Variants in ORC1 observed in about 807,000 individuals in gnomAD.
The protein encoded by ORC1 is origin recognition complex, subunit 1 homolog.
Under a neutral mutation model 98.9 loss-of-function variants are expected in ORC1, and 61 were observed. That is an observed-to-expected ratio of 0.62 (90% CI 0.50 to 0.76). The LOEUF is 0.76. Among genes scored for constraint, ORC1 ranks in the 30% least tolerant of loss-of-function variants. The pLI is 0.00. For synonymous variants in ORC1, 385 were observed against 406.9 expected (o/e 0.95, Z 0.65); for missense variants, 979 against 1,072.2 (o/e 0.91, Z 1.21).
chr1:52,388,445 C>T lies in ORC1; in HGVS notation c.1380G>A (p.Lys460=), dbSNP rs773252423. 2.5e-6 allele frequency: 4 copies of T among 1,613,748 alleles called. No homozygotes were observed. The highest frequency in any genetic ancestry group is 1.7e-5 in the Admixed American group (1 of 60,024). The change falls in exon 8 of 17, where the codon AAG becomes AAA. Residue 460 remains lysine, a synonymous_variant. Transcript: ENST00000371568. ...SLHTLTKVPK[K]SLKPRTPRCA... ...AGTAAACCTAGAAGAACCTTACACT[C>T]TTCTTTGGCACCTTCGTGAGGGTAT... is the stretch of plus-strand genomic sequence containing the variant.
At chr1:52,380,965 A>T (rs1354747174) in intron 14 of ORC1, among the ~76,000 whole-genome samples, 1 of 152,214 alleles carries the variant, frequency 6.6e-6, no homozygotes, top group Non-Finnish European at 1.5e-5. Flanking sequence ...CAGGGTGAAG[A>T]GTGTGTCGGC....
At chr1:52,408,832 GTC>G, upstream of ORC1, 1 of 1,059,770 alleles carries the variant, frequency 9.4e-7, no homozygotes, top group Non-Finnish European at 1.3e-6. Context: ...GTTTTCCCTT[GTC>G]CCTCATGGGA....
intron 11 of ORC1, 89 bp downstream of exon 11, chr1:52,384,461 G>T: frequency 1.7e-6 from 2 of 1,159,078 alleles, no homozygotes; most frequent in Non-Finnish European, 2.6e-6. Context: ...TCATGAACAT[G>T]CAATACACGC....
At position 52,404,270 on chromosome 1, in the gene ORC1, A is replaced by G. The variant is rs1002470137; in HGVS notation, c.-30T>C. On this transcript the variant is annotated 5_prime_UTR_variant, in exon 1 of 17. Coordinates refer to ENST00000371568, the MANE Select transcript of ORC1 (RefSeq NM_004153.4). ...CCCGGCTCCAAAGCTTCCTCCGGCT[A>G]GCCGCAAGCCCTCCGTTTCCTACCG... 1.3e-5 allele frequency: 2 copies of G among 155,006 alleles called. No homozygotes were observed. The highest frequency in any genetic ancestry group is 4.8e-5 in the African/African-American group (2 of 41,458). 9.6% of individuals were successfully genotyped at this position (155,006 alleles called of 1,614,324 possible). A position where few individuals can be genotyped will look rare whatever the true frequency, so the allele number is the denominator to read the frequency against.
In ORC1 at chr1:52,384,542, C is replaced by T. The variant is rs1229909460; in HGVS notation, c.1755+8G>A. 2.5e-6 allele frequency: 4 copies of T among 1,613,704 alleles called. No homozygotes were observed. Among genetic ancestry groups the T allele is most frequent in the East Asian group, 2.2e-5 (1 of 44,888 alleles). On this transcript the variant is annotated splice_region_variant and intron_variant, in intron 11 of 16. Coordinates refer to ENST00000371568, the MANE Select transcript of ORC1 (RefSeq NM_004153.4). ...CATTTTCCAAAAAGCCTAAACAGCT[C>T]TGCTTACCTGCAAGATTTGCACATA... is the stretch of plus-strand genomic sequence containing the variant.
chr1:52,374,990 A>G (rs565079858), intron 15 of ORC1, 93 bp from the exon 16 acceptor site: 1 of 786,926 alleles, frequency 1.3e-6, no homozygotes, highest in African/African-American at 1.7e-5. Context: ...TCTTTAGAAA[A>G]GAGAAAACCC....
At chr1:52,406,050 G>A (rs1647980313), upstream of ORC1, among the ~76,000 whole-genome samples, 1 of 152,110 alleles carries the variant, frequency 6.6e-6, no homozygotes, top group South Asian at 2.1e-4. Context: ...GTGCAGTGGT[G>A]CGATCTCGGC....
rs1237903280 is a variant in ORC1 at position 52,388,403 on chromosome 1, G to A, written c.1383+39C>T. 6 of 1,520,606 alleles carry A rather than the reference G, an allele frequency of 3.9e-6. No individual in the cohort carries two copies. In the East Asian group the frequency reaches 1.4e-4, roughly 34 times the overall value. 94.2% of individuals were successfully genotyped at this position (1,520,606 alleles called of 1,614,324 possible). On this transcript the variant is annotated intron_variant, in intron 8 of 16. Transcript: ENST00000371568. ...CATTTGTAACTTTTAAACTAAGAGA[G>A]GGATGCTTCAATGGGAAGTAAACCT...
chr1:52,381,995 T>C (rs902110292), intron 13 of ORC1, among the ~76,000 whole-genome samples: 6 of 152,216 alleles, frequency 3.9e-5, no homozygotes, highest in African/African-American at 1.4e-4. Context: ...TTTTTTTTCT[T>C]TGAGACGGAG....
At chr1:52,397,441 T>C (rs951597811) in intron 4 of ORC1, among the ~76,000 whole-genome samples, 9 of 152,206 alleles carry the variant, frequency 5.9e-5, no homozygotes, top group African/African-American at 2.2e-4. Flanking sequence ...ATACATCTGC[T>C]AATTCCTGCT....
At chr1:52,378,353 A>AC (rs199546535) in intron 14 of ORC1, among the ~76,000 whole-genome samples, 1,803 of 149,882 alleles carry the variant, frequency 0.012, 49 homozygotes, top group African/African-American at 0.043. Context: ...TCAAAAAAAA[A>AC]AAACAAACAA....
chr1:52,391,433 A>G (rs1307190864), intron 6 of ORC1, among the ~76,000 whole-genome samples: 1 of 152,184 alleles, frequency 6.6e-6, no homozygotes, highest in Admixed American at 6.5e-5. Flanking sequence ...CAATAAATAA[A>G]TGGGACCTAA....
chr1:52,373,303 C>T lies in ORC1; in HGVS notation c.2464G>A (p.Val822Met), dbSNP rs770286151. Residue 822 changes from valine (V) to methionine (M), a missense_variant, in exon 17 of 17, where the codon GTG becomes ATG. Physicochemically the swap from Val to Met is conservative, Grantham distance 21. Transcript: ENST00000371568. Reference sequence around the variant, plus strand: ...CGACAGGAGCCCAGGTGAGAACACACGGCCATGGTCTCTGACATGGTGGGG... The same window carrying T: ...CGACAGGAGCCCAGGTGAGAACACATGGCCATGGTCTCTGACATGGTGGGG... The part of the protein sequence containing the change: ...PYPTMSETMA[V>M]CSHLGSCRLL... 2.1e-5 allele frequency: 34 copies of T among 1,614,034 alleles called. No homozygotes were observed. The highest frequency in any genetic ancestry group is 4.5e-5 in the East Asian group (2 of 44,896).
rs1265499212 is a variant in ORC1, at chr1:52,373,118, C to G, written c.*63G>C. 2.6e-6 allele frequency: 4 copies of G among 1,524,266 alleles called. No individual in the cohort carries two copies. The highest frequency in any genetic ancestry group is 3.6e-6 in the Non-Finnish European group (4 of 1,100,474). 94.4% of individuals were successfully genotyped at this position (1,524,266 alleles called of 1,614,324 possible). A position where few individuals can be genotyped will look rare whatever the true frequency, so the allele number is the denominator to read the frequency against. ...CTGCACTCCAGCCTGGGCGACAGAG[C>G]AAGACCCTGTCTCAAAAAACAAAAC... On this transcript the variant is annotated 3_prime_UTR_variant, in exon 17 of 17. Transcript: ENST00000371568.
At chr1:52,388,021 GACATGATTTGTT>G (rs941238337) in intron 8 of ORC1, among the ~76,000 whole-genome samples, 2 of 152,154 alleles carry the variant, frequency 1.3e-5, no homozygotes, top group African/African-American at 4.8e-5. Context: ...ATCTTGCTGT[GACATGATTTGTT>G]ACCAATATGT....
chr1:52,382,676 T>C (rs1485626080), intron 13 of ORC1, among the ~76,000 whole-genome samples: 1 of 146,402 alleles, frequency 6.8e-6, no homozygotes, highest in Non-Finnish European at 1.5e-5. Context: ...GCCTCCCGGG[T>C]TCAAGAGATT....
intron 3 of ORC1, 135 bp from the exon 4 acceptor site, chr1:52,397,998 C>T: frequency 1.2e-6 from 1 of 825,272 alleles, no homozygotes; most frequent in Non-Finnish European, 2.0e-6. Context: ...GACAGAGTCT[C>T]TGTCACCCAG....
At position 52,396,099 on chromosome 1, in the gene ORC1, T is replaced by C. The variant is rs563322422; in HGVS notation, c.668A>G (p.Gln223Arg). 8 of 1,614,202 alleles carry C rather than the reference T, an allele frequency of 5.0e-6. No individual in the cohort carries two copies. In the South Asian group the frequency reaches 7.7e-5, roughly 16 times the overall value. The change falls in exon 5 of 17, where the codon CAA becomes CGA. Residue 223 changes from glutamine (Q) to arginine (R), a missense_variant. Coordinates refer to ENST00000371568, the MANE Select transcript of ORC1 (RefSeq NM_004153.4). ...TGGGGTAAGAGGATGGGTAGGAGTT[T>C]GGCGAGATTTGGAGGCGGAGTGCCT... ...ESRHSASKSR[Q>R]TPTHPLTPRA...
chr1:52,398,817 C>T (rs147879227), intron 3 of ORC1, among the ~76,000 whole-genome samples: 5,825 of 150,668 alleles, frequency 0.039, 166 homozygotes, highest in Non-Finnish European at 0.058. Flanking sequence ...AATCTCCTGA[C>T]CTCGTGATCC....
Sources: allele counts gnomAD v4.1 joint callset (sites outside exome capture counted in the v4.1 genomes callset), GRCh38; gene constraint gnomAD v4.1.1; transcripts MANE v1.5; gene names NCBI Gene and HGNC (gene_info 2026-07-23, HGNC 2026-07-21).